Variants in PARD3B observed in about 807,000 individuals in gnomAD.
PARD3B encodes the protein partitioning defective 3 homolog B.
In PARD3B, 103 loss-of-function variants were observed where a neutral mutation model predicts 130.2. The observed-to-expected ratio is 0.79, with a 90% CI of 0.67 to 0.93. PARD3B has a LOEUF of 0.93. Among genes scored for constraint, PARD3B ranks in the 40% least tolerant of loss-of-function variants. PARD3B has a pLI of 0.00. For synonymous variants in PARD3B, 583 were observed against 553.2 expected, an observed-to-expected ratio of 1.05 and a Z score of -0.76; for missense variants, 1,609 against 1,499.2, an observed-to-expected ratio of 1.07 and a Z score of -1.21.
chr2:205,314,312 C>T (rs1314575880), intron 18 of PARD3B, among the ~76,000 whole-genome samples: 2 of 152,130 alleles, frequency 1.3e-5, no homozygotes, highest in East Asian at 3.9e-4. Context: ...AGCAGCCTCC[C>T]GAGAGCCTGT....
At chr2:205,235,497 A>C (rs1294909914) in intron 15 of PARD3B, among the ~76,000 whole-genome samples, 1 of 152,116 alleles carries the variant, frequency 6.6e-6, no homozygotes, top group Non-Finnish European at 1.5e-5. Flanking sequence ...CAGGACCCCC[A>C]GTGGATGCCT....
At chr2:205,494,408 C>G (rs549779490) in intron 20 of PARD3B, among the ~76,000 whole-genome samples, 19 of 152,226 alleles carry the variant, frequency 1.2e-4, no homozygotes, top group African/African-American at 3.6e-4. Flanking sequence ...CAATCCTGGT[C>G]CTGATCCAGA....
At chr2:205,310,913 G>A (rs1035891109) in intron 18 of PARD3B, among the ~76,000 whole-genome samples, 6 of 151,620 alleles carry the variant, frequency 4.0e-5, no homozygotes, top group Non-Finnish European at 7.4e-5. Flanking sequence ...TAGTAGAGAC[G>A]GAGTTTCACC....
intron 4 of PARD3B, among the ~76,000 whole-genome samples, chr2:205,084,254 A>G (rs1029815759): frequency 6.6e-6 from 1 of 152,142 alleles, no homozygotes; most frequent in Non-Finnish European, 1.5e-5. Context: ...ATTTTTATAT[A>G]TAGAAAACAA....
chr2:205,271,020 C>G (rs1314533958), intron 16 of PARD3B, among the ~76,000 whole-genome samples: 1 of 152,050 alleles, frequency 6.6e-6, no homozygotes, highest in Non-Finnish European at 1.5e-5. Flanking sequence ...GATGACCAAC[C>G]AACAGAGACT....
At chr2:205,336,383 T>C (rs969552225) in intron 18 of PARD3B, among the ~76,000 whole-genome samples, 5 of 152,248 alleles carry the variant, frequency 3.3e-5, no homozygotes, top group Non-Finnish European at 7.3e-5. Flanking sequence ...GATTTTTACA[T>C]TGGACTTAGA....
rs113196055 is a variant in PARD3B, at chr2:204,809,169, G to C, written c.222+122887G>C. Among the ~76,000 whole-genome samples the C allele has an allele frequency of 3.3e-3, 498 of 152,068 alleles. 3 individuals carry two copies. The highest frequency in any genetic ancestry group is 6.4e-3 in the Admixed American group (98 of 15,266). On this transcript the variant is annotated intron_variant, in intron 2 of 22. Transcript: ENST00000406610. ...TTGTTTAAGTTCCTCATAGATACTGGATATTAGACCTTTGTCATGTGCATA... is the reference window on the plus strand; with the variant it reads ...TTGTTTAAGTTCCTCATAGATACTGCATATTAGACCTTTGTCATGTGCATA...
At chr2:205,367,217 C>G (rs1271655401) in intron 18 of PARD3B, among the ~76,000 whole-genome samples, 1 of 152,132 alleles carries the variant, frequency 6.6e-6, no homozygotes, top group Admixed American at 6.5e-5. Flanking sequence ...ATACAATCTC[C>G]AAAATTGAAG....
chr2:204,812,056 T>C (rs2042980532), intron 2 of PARD3B, among the ~76,000 whole-genome samples: 1 of 152,338 alleles, frequency 6.6e-6, no homozygotes, highest in African/African-American at 2.4e-5. Context: ...ACCCTTCCAA[T>C]CCATTCTAAA....
intron 2 of PARD3B, among the ~76,000 whole-genome samples, chr2:204,714,984 T>C (rs182644838): frequency 1.3e-5 from 2 of 152,328 alleles, no homozygotes; most frequent in Admixed American, 1.3e-4. Context: ...TGACAAATTA[T>C]CCTTTAAAAA....
chr2:205,613,752 A>G (rs1054719151), intron 22 of PARD3B, among the ~76,000 whole-genome samples: 3 of 152,208 alleles, frequency 2.0e-5, no homozygotes, highest in Non-Finnish European at 4.4e-5. Flanking sequence ...AGAGAATTCT[A>G]TTGTTCATCC....
At chr2:205,297,946 A>G (rs2041855349) in intron 16 of PARD3B, among the ~76,000 whole-genome samples, 1 of 152,152 alleles carries the variant, frequency 6.6e-6, no homozygotes, top group Non-Finnish European at 1.5e-5. Context: ...TGAATCCTTA[A>G]TGTTCAGTTT....
chr2:204,889,605 A>G lies in PARD3B; in HGVS notation c.223-75547A>G, dbSNP rs146204026. ...AGCTAGATGGCAGTGCCATTCTGCC[A>G]TTATAAGAAGCAGCATGATCTAAAG... On this transcript the variant is annotated intron_variant, in intron 2 of 22. Coordinates refer to ENST00000406610, the MANE Select transcript of PARD3B (RefSeq NM_001302769.2). Among the ~76,000 whole-genome samples the G allele has an allele frequency of 4.5e-3, 687 of 152,354 alleles. 4 individuals are homozygous for G. The highest frequency in any genetic ancestry group is 0.015 in the African/African-American group (626 of 41,576).
intron 1 of PARD3B, among the ~76,000 whole-genome samples, chr2:204,608,938 C>T (rs1382667055): frequency 1.5e-4 from 23 of 152,176 alleles, no homozygotes; most frequent in Admixed American, 1.5e-3. Context: ...CTGACTTTGT[C>T]TCCCTGTAGC....
Position 204,943,086 on chromosome 2 carries a change from G to A in PARD3B, c.223-22066G>A, listed in dbSNP as rs905940419. On this transcript the variant is annotated intron_variant, in intron 2 of 22. Coordinates refer to ENST00000406610, the MANE Select transcript of PARD3B (RefSeq NM_001302769.2). The surrounding 1 kb of genome is among the most constrained non-coding windows in gnomAD (Gnocchi z 4.2). ...TGTAAAAAGACAAGAAAGACTTTGT[G>A]TAAATACACCTCTTTTTAAAATTAC... is the stretch of plus-strand genomic sequence containing the variant. Among the ~76,000 whole-genome samples the A allele has an allele frequency of 6.6e-6, 1 of 151,960 alleles. No individual in the cohort carries two copies. The highest frequency in any genetic ancestry group is 2.4e-5 in the African/African-American group (1 of 41,286).
In PARD3B at chr2:204,680,421, C is replaced by A. The variant is rs897402620; in HGVS notation, c.121-5760C>A. ...TATAATGGTTTTGCTTGCCTTTGTTCCTTCCTGATATTGGAAATTTATTTT... is the reference window on the plus strand; with the variant it reads ...TATAATGGTTTTGCTTGCCTTTGTTACTTCCTGATATTGGAAATTTATTTT... On this transcript the variant is annotated intron_variant, in intron 1 of 22. Transcript: ENST00000406610. Among the ~76,000 whole-genome samples the A allele has an allele frequency of 5.3e-5, 8 of 151,914 alleles. No homozygotes were observed. The South Asian group carries it at 1.7e-3, about 32-fold the overall frequency.
chr2:204,997,945 A>G (rs62173514), intron 3 of PARD3B, among the ~76,000 whole-genome samples: 3,456 of 141,168 alleles, frequency 0.024, 58 homozygotes, highest in Non-Finnish European at 0.038. Context: ...TATTTGTTAT[A>G]TATAGTGAGT....
At chr2:204,881,889 G>A (rs1056479602) in intron 2 of PARD3B, among the ~76,000 whole-genome samples, 5 of 152,156 alleles carry the variant, frequency 3.3e-5, no homozygotes, top group African/African-American at 9.7e-5. Context: ...TCCCTGAATC[G>A]TGAGTGTTCT....
At chr2:205,264,623 T>C (rs1199366281) in intron 16 of PARD3B, among the ~76,000 whole-genome samples, 2 of 151,214 alleles carry the variant, frequency 1.3e-5, no homozygotes, top group East Asian at 3.9e-4. Context: ...GTGAACATAA[T>C]CTTATGATTT....
Sources: gnomAD v4.1 joint callset for allele counts (sites outside exome capture counted in the v4.1 genomes callset) on GRCh38, gnomAD v4.1.1 for gene constraint, Gnocchi (gnomAD v3.1) non-coding constraint, MANE v1.5 for transcripts, NCBI Gene and HGNC (gene_info 2026-07-23, HGNC 2026-07-21) for gene names.